Variants in PDSS2 observed in about 807,000 individuals in gnomAD.
PDSS2 encodes decaprenyl diphosphate synthase subunit 2.
PDSS2 carries 31 observed loss-of-function variants against 44.5 expected under a neutral mutation model. The ratio of observed to expected loss-of-function variants is 0.70; its 90% CI spans 0.52 to 0.94. PDSS2 has a LOEUF of 0.94. PDSS2 is among the 40% of genes least tolerant of loss of function. The pLI is 0.00. For synonymous variants in PDSS2, 157 were observed against 180.3 expected, an observed-to-expected ratio of 0.87 and a Z score of 1.03; for missense variants, 452 against 482.2, an observed-to-expected ratio of 0.94 and a Z score of 0.59.
rs1220514854 is a variant in PDSS2 at position 107,459,140 on chromosome 6, CAG to C, written c.144_145del (p.His48GlnfsTer56). 6.2e-7 allele frequency: 1 copy of C among 1,614,152 alleles called. No individual in the cohort carries two copies. Among genetic ancestry groups the C allele is most frequent in the South Asian group, 1.1e-5 (1 of 91,086 alleles). On this transcript the variant is annotated frameshift_variant, in exon 1 of 8. Transcript: ENST00000369037. LOFTEE classifies it high-confidence loss of function. The surrounding 1 kb of genome is among the most constrained non-coding windows in gnomAD (Gnocchi z 4.3). The stretch of plus-strand genomic sequence containing the variant: ...CTCCGCCTCTGACACTACCTGATTC[CAG>C]TGGGCCGGGGACTTGGAGGACCGAC...
intron 1 of PDSS2, among the ~76,000 whole-genome samples, chr6:107,437,345 C>T (rs572610529): frequency 5.9e-5 from 9 of 151,880 alleles, no homozygotes; most frequent in Non-Finnish European, 1.3e-4. Context: ...GCCAACATGG[C>T]GAAACCCTGT....
chr6:107,341,635 A>G (rs1778082171), intron 1 of PDSS2, among the ~76,000 whole-genome samples: 1 of 152,184 alleles, frequency 6.6e-6, no homozygotes, highest in Non-Finnish European at 1.5e-5. Flanking sequence ...TGTTCTAGCT[A>G]CAAACAAATA....
chr6:107,363,116 T>C (rs1372845279), intron 1 of PDSS2, among the ~76,000 whole-genome samples: 5 of 152,186 alleles, frequency 3.3e-5, no homozygotes, highest in Non-Finnish European at 7.3e-5. Flanking sequence ...CAGAAAATAC[T>C]TGAAAAAATA....
chr6:107,225,793 G>A (rs1363147309), intron 4 of PDSS2, among the ~76,000 whole-genome samples: 1 of 152,152 alleles, frequency 6.6e-6, no homozygotes, highest in African/African-American at 2.4e-5. Flanking sequence ...GATAAAAAGT[G>A]ACACTTCATT....
chr6:107,221,408 T>A (rs981530952), intron 4 of PDSS2, among the ~76,000 whole-genome samples: 1 of 151,034 alleles, frequency 6.6e-6, no homozygotes, highest in Admixed American at 6.6e-5. Context: ...GTGCAGTTTT[T>A]ACTAAGGTTT....
At chr6:107,302,563 T>C (rs1415296970) in intron 2 of PDSS2, among the ~76,000 whole-genome samples, 1 of 152,116 alleles carries the variant, frequency 6.6e-6, no homozygotes, top group Non-Finnish European at 1.5e-5. Flanking sequence ...CCACAGTGCC[T>C]GAATTAAATC....
At chr6:107,358,483 TA>T (rs1373733165) in intron 1 of PDSS2, among the ~76,000 whole-genome samples, 1 of 152,220 alleles carries the variant, frequency 6.6e-6, no homozygotes, top group African/African-American at 2.4e-5. Flanking sequence ...CTTATAGTGA[TA>T]TTTTTTCCAC....
intron 1 of PDSS2, among the ~76,000 whole-genome samples, chr6:107,357,652 C>T (rs748639687): frequency 2.0e-5 from 3 of 152,198 alleles, no homozygotes; most frequent in African/African-American, 4.8e-5. Flanking sequence ...AACATACCAA[C>T]CTCCAGCTCT....
At chr6:107,426,789 G>A (rs1318819035) in intron 1 of PDSS2, among the ~76,000 whole-genome samples, 1 of 152,130 alleles carries the variant, frequency 6.6e-6, no homozygotes, top group Non-Finnish European at 1.5e-5. Flanking sequence ...ACTTGCATGA[G>A]GCCTGTAGCC....
At chr6:107,449,036 T>C (rs971406535) in intron 1 of PDSS2, among the ~76,000 whole-genome samples, 6 of 152,172 alleles carry the variant, frequency 3.9e-5, no homozygotes, top group African/African-American at 1.4e-4. Flanking sequence ...GAGATTTGGG[T>C]GGGGACACAG....
intron 1 of PDSS2, among the ~76,000 whole-genome samples, chr6:107,375,561 A>G (rs993579200): frequency 2.6e-5 from 4 of 152,262 alleles, no homozygotes; most frequent in Admixed American, 1.3e-4. Flanking sequence ...AGTTCAGCCC[A>G]GATGTCTTCA....
Position 107,375,935 on chromosome 6 carries a change from A to T in PDSS2, c.297-41603T>A, listed in dbSNP as rs375462786. Among the ~76,000 whole-genome samples the T allele has an allele frequency of 5.9e-5, 9 of 152,242 alleles. No homozygotes were observed. In the South Asian group the frequency reaches 1.9e-3, roughly 32 times the overall value. On this transcript the variant is annotated intron_variant, in intron 1 of 7. Coordinates refer to ENST00000369037, the MANE Select transcript of PDSS2 (RefSeq NM_020381.4). ...ACAATCATCTCAACAGATACAGAAA[A>T]AGCATTTGACAAAATTCAACATCCA...
chr6:107,360,511 T>A (rs1226275714), intron 1 of PDSS2, among the ~76,000 whole-genome samples: 1 of 152,234 alleles, frequency 6.6e-6, no homozygotes, highest in Non-Finnish European at 1.5e-5. Flanking sequence ...GCATAGTTTA[T>A]GAGATAGGCT....
intron 1 of PDSS2, among the ~76,000 whole-genome samples, chr6:107,457,573 C>T (rs1782084963): frequency 6.6e-6 from 1 of 152,094 alleles, no homozygotes. Context: ...TGCCTCCATT[C>T]GTGACAACCA....
intron 6 of PDSS2, among the ~76,000 whole-genome samples, chr6:107,210,157 TA>T (rs1469264136): frequency 6.6e-6 from 1 of 151,886 alleles, no homozygotes; most frequent in East Asian, 1.9e-4. Flanking sequence ...TGAAAGCCTT[TA>T]GAAAAAAAAA....
intron 7 of PDSS2, among the ~76,000 whole-genome samples, chr6:107,158,249 G>A (rs921152905): frequency 3.3e-5 from 5 of 150,054 alleles, no homozygotes; most frequent in Admixed American, 6.7e-5. Context: ...GCAGTGGCGC[G>A]ATTGTGGCTC....
At chr6:107,266,901 T>G (rs890623387) in intron 3 of PDSS2, among the ~76,000 whole-genome samples, 1 of 152,160 alleles carries the variant, frequency 6.6e-6, no homozygotes. Flanking sequence ...CCATTTTCAC[T>G]GTACTTGAAC....
intron 1 of PDSS2, among the ~76,000 whole-genome samples, chr6:107,418,004 T>C (rs1313852040): frequency 1.3e-5 from 2 of 152,210 alleles, no homozygotes; most frequent in East Asian, 1.9e-4. Flanking sequence ...ACCATGATTA[T>C]ATTTAAATAA....
chr6:107,214,907 C>A (rs886142952), intron 4 of PDSS2, among the ~76,000 whole-genome samples: 3 of 152,152 alleles, frequency 2.0e-5, no homozygotes, highest in African/African-American at 4.8e-5. Context: ...TGTGTGCCAC[C>A]ATGCCCAACA....
Sources: allele counts gnomAD v4.1 joint callset (sites outside exome capture counted in the v4.1 genomes callset), GRCh38; gene constraint gnomAD v4.1.1; non-coding constraint Gnocchi (gnomAD v3.1); transcripts MANE v1.5; gene names NCBI Gene and HGNC (gene_info 2026-07-23, HGNC 2026-07-21).